Variants in SIRT3 observed in about 807,000 individuals in gnomAD.
SIRT3 encodes NAD-dependent protein deacetylase sirtuin-3, mitochondrial.
A neutral mutation model predicts 33.5 loss-of-function variants in SIRT3; 26 were observed. The ratio of observed to expected loss-of-function variants is 0.78; its 90% CI spans 0.57 to 1.08. The LOEUF (loss-of-function observed/expected upper bound fraction) is 1.08. SIRT3 is among the 50% of genes least tolerant of loss of function. SIRT3 has a pLI of 0.00. For synonymous variants in SIRT3, 237 were observed against 222.1 expected (o/e 1.07, Z -0.60); for missense variants, 585 against 530.1 (o/e 1.10, Z -1.02).
At chr11:219,994 A>G (rs1465858135) in intron 5 of SIRT3, among the ~76,000 whole-genome samples, 2 of 152,236 alleles carry the variant, frequency 1.3e-5, no homozygotes, top group African/African-American at 4.8e-5. Flanking sequence ...ATTTATAAAC[A>G]TATAATTTAT....
At chr11:229,811 T>G (rs72878047) in intron 4 of SIRT3, among the ~76,000 whole-genome samples, 24,199 of 152,050 alleles carry the variant, frequency 0.16, 2,448 homozygotes, top group Non-Finnish European at 0.22. Context: ...GCAATACTTG[T>G]AGGTATCATA....
rs768134997 is a variant in SIRT3, at chr11:233,395, C to G, written c.421G>C (p.Val141Leu). The part of the protein sequence containing the change: ...LIRARACQRV[V>L]VMVGAGISTP... ...CTGATGCCGGCCCCCACCATGACCACCACCCTCTGGCAGGCTCTGGCCCGA... is the reference window on the plus strand; with the variant it reads ...CTGATGCCGGCCCCCACCATGACCAGCACCCTCTGGCAGGCTCTGGCCCGA... Residue 141 changes from valine (V) to leucine (L), a missense_variant, in exon 2 of 7, where the codon GTG (valine) becomes CTG (leucine). Transcript: ENST00000382743. The G allele has an allele frequency of 6.2e-7, 1 of 1,614,042 alleles. No individual in the cohort carries two copies. Among genetic ancestry groups the G allele is most frequent in the Admixed American group, 1.7e-5 (1 of 60,016 alleles).
rs780135795 is a variant in SIRT3, at chr11:218,980, T to A, written c.1031A>T (p.Asn344Ile). 6.2e-7 allele frequency: 1 copy of A among 1,614,132 alleles called. No homozygotes were observed. The stretch of plus-strand genomic sequence containing the variant: ...AGCCAAGGGCCCCACCAAGTCCCGG[T>A]TGATGAGCAGTCGGGGAACTGAGCT... ...VRSSVPRLLI[N>I]RDLVGPLAWH... The change falls in exon 6 of 7, where the codon AAC (asparagine) becomes ATC (isoleucine). Residue 344 changes from asparagine to isoleucine, a missense_variant. By Grantham distance (149) the Asn-to-Ile change is moderately radical (BLOSUM62 -3). Coordinates refer to ENST00000382743, the MANE Select transcript of SIRT3 (RefSeq NM_012239.6).
chr11:226,892 T>C (rs1337320922), intron 4 of SIRT3, among the ~76,000 whole-genome samples: 1 of 151,174 alleles, frequency 6.6e-6, no homozygotes. Context: ...TATCTGAGAT[T>C]ATAGGCATGC....
At chr11:222,316 G>A (rs186531897) in intron 5 of SIRT3, 328 of 153,402 alleles carry the variant, frequency 2.1e-3, no homozygotes, top group Non-Finnish European at 3.6e-3. Flanking sequence ...CCTCCAGTCC[G>A]CAGCACATCC....
chr11:224,347 G>A, intron 4 of SIRT3, 108 bp from the exon 5 acceptor site: 10 of 1,231,062 alleles, frequency 8.1e-6, no homozygotes, highest in Non-Finnish European at 1.1e-5. Flanking sequence ...CAAAAAAGGT[G>A]AGAGAGGGAT....
intron 5 of SIRT3, among the ~76,000 whole-genome samples, chr11:221,955 G>A (rs1856498776): frequency 6.6e-6 from 1 of 151,934 alleles, no homozygotes; most frequent in Admixed American, 6.6e-5. Context: ...GGATTAAAAA[G>A]TTGATCCTTT....
chr11:230,662 T>A, intron 3 of SIRT3, 110 bp from the exon 4 acceptor site: 1 of 613,666 alleles, frequency 1.6e-6, no homozygotes, highest in Non-Finnish European at 2.6e-6. Flanking sequence ...GCACAGCCCC[T>A]TGGGGTTGTG....
chr11:229,869 C>T (rs1464187296), intron 4 of SIRT3, among the ~76,000 whole-genome samples: 3 of 152,322 alleles, frequency 2.0e-5, no homozygotes, highest in Middle Eastern at 3.4e-3. Flanking sequence ...CTTGCATATG[C>T]TCCACAGCAG....
rs77604542 is a variant in SIRT3 at position 229,854 on chromosome 11, G to A, written c.807+598C>T. Reference sequence around the variant, plus strand: ...GAATAAAAAACAAGGACTCTCAAACGAATACTTGCATATGCTCCACAGCAG... The same window carrying A: ...GAATAAAAAACAAGGACTCTCAAACAAATACTTGCATATGCTCCACAGCAG... On this transcript the variant is annotated intron_variant, in intron 4 of 6. Transcript: ENST00000382743. Among the ~76,000 whole-genome samples the A allele has an allele frequency of 0.033, 5,068 of 152,218 alleles. 647 individuals are homozygous for A. In the East Asian group the frequency reaches 0.42, roughly 13 times the overall value.
At chr11:217,903 G>A (rs574017488) in intron 6 of SIRT3, among the ~76,000 whole-genome samples, 21 of 152,168 alleles carry the variant, frequency 1.4e-4, no homozygotes, top group Non-Finnish European at 2.9e-4. Context: ...AATCATGGGG[G>A]CGGGTCTTTC....
chr11:236,930 A>G (rs916330490), upstream of SIRT3: 1 of 828,670 alleles, frequency 1.2e-6, no homozygotes, highest in South Asian at 1.5e-5. Flanking sequence ...CCGGCCTGCT[A>G]CGGCGCTCCC....
intron 5 of SIRT3, among the ~76,000 whole-genome samples, chr11:220,327 T>C: frequency 9.9e-6 from 1 of 100,792 alleles, no homozygotes; most frequent in East Asian, 3.1e-4. Context: ...CAAGACTCTG[T>C]CTCAAAAAAA....
chr11:235,976 G>A lies in SIRT3; in HGVS notation c.281+72C>T, dbSNP rs998295362. 4.3e-6 allele frequency: 6 copies of A among 1,392,206 alleles called. No homozygotes were observed. In the South Asian group the frequency reaches 9.4e-5, roughly 22 times the overall value. 86.2% of individuals were successfully genotyped at this position (1,392,206 alleles called of 1,614,324 possible). On this transcript the variant is annotated intron_variant, in intron 1 of 6. Coordinates refer to ENST00000382743, the MANE Select transcript of SIRT3 (RefSeq NM_012239.6). ...CCCAGACATGCCGCAAAGGAAACAC[G>A]GCAAGGTGAGAAAGAGTGGGCGAGG...
At chr11:235,812 C>T (rs556034698) in intron 1 of SIRT3, among the ~76,000 whole-genome samples, 2 of 152,308 alleles carry the variant, frequency 1.3e-5, no homozygotes, top group African/African-American at 4.8e-5. Flanking sequence ...AGGTTATTCA[C>T]CACAGCATGA....
intron 3 of SIRT3, 62 bp from the exon 4 acceptor site, chr11:230,614 A>C: frequency 8.2e-7 from 1 of 1,213,646 alleles, no homozygotes; most frequent in Non-Finnish European, 1.1e-6. Flanking sequence ...CAAGGCCAAG[A>C]GCACAACTTC....
intron 1 of SIRT3, among the ~76,000 whole-genome samples, chr11:235,165 C>T (rs34777506): frequency 0.16 from 23,711 of 151,776 alleles, 2,332 homozygotes; most frequent in Middle Eastern, 0.22. Flanking sequence ...CGTGAGCTAC[C>T]GCGCCCGGCC....
intron 4 of SIRT3, among the ~76,000 whole-genome samples, chr11:225,240 T>C (rs1161405780): frequency 1.3e-5 from 2 of 152,074 alleles, no homozygotes; most frequent in African/African-American, 2.4e-5. Context: ...GGTGAAACCC[T>C]GTCTCTACTA....
intron 2 of SIRT3, 49 bp downstream of exon 2, chr11:233,294 G>A: frequency 1.2e-6 from 2 of 1,601,318 alleles, no homozygotes; most frequent in African/African-American, 2.7e-5. Flanking sequence ...GGGGAGGGCA[G>A]GAGTCAGGGG....
Sources: gnomAD v4.1 joint callset for allele counts (sites outside exome capture counted in the v4.1 genomes callset) on GRCh38, gnomAD v4.1.1 for gene constraint, MANE v1.5 for transcripts, NCBI Gene and HGNC (gene_info 2026-07-23, HGNC 2026-07-21) for gene names.